Variants in COL13A1 observed in about 807,000 individuals in gnomAD.
The protein encoded by COL13A1 is collagen alpha-1(XIII) chain.
Under a neutral mutation model 130.9 loss-of-function variants are expected in COL13A1, and 89 were observed. The observed-to-expected ratio is 0.68, with a 90% CI of 0.57 to 0.81. The LOEUF is 0.81. Among genes scored for constraint, COL13A1 ranks in the 30% least tolerant of loss-of-function variants. The pLI is 0.00. For synonymous variants in COL13A1, 402 were observed against 341.6 expected (o/e 1.18, Z -1.95); for missense variants, 879 against 934.6 (o/e 0.94, Z 0.78).
intron 17 of COL13A1, among the ~76,000 whole-genome samples, chr10:69,909,406 G>A (rs2063128644): frequency 6.6e-6 from 1 of 152,206 alleles, no homozygotes; most frequent in Non-Finnish European, 1.5e-5. Flanking sequence ...CTGGGTCACT[G>A]GAAGGTTCCC....
intron 3 of COL13A1, among the ~76,000 whole-genome samples, chr10:69,871,581 A>G (rs1314978534): frequency 1.3e-5 from 2 of 152,108 alleles, no homozygotes; most frequent in Admixed American, 6.5e-5. Context: ...TGCTGCCTGA[A>G]CTTTTCTCAG....
At chr10:69,914,098 C>T (rs551828469) in intron 17 of COL13A1, among the ~76,000 whole-genome samples, 2 of 152,276 alleles carry the variant, frequency 1.3e-5, no homozygotes, top group African/African-American at 4.8e-5. Flanking sequence ...GAGACTCTCA[C>T]GCTCCGGGGT....
At chr10:69,810,286 A>G (rs1842611675) in intron 1 of COL13A1, among the ~76,000 whole-genome samples, 1 of 151,282 alleles carries the variant, frequency 6.6e-6, no homozygotes, top group South Asian at 2.1e-4. Flanking sequence ...CCTGGCTGTA[A>G]GTGTCTAACG....
Position 69,843,305 on chromosome 10 carries a change from G to C in COL13A1, c.364+20867G>C, listed in dbSNP as rs531885775. Among the ~76,000 whole-genome samples the C allele has an allele frequency of 4.0e-4, 61 of 152,286 alleles. 1 individual carries two copies. In the South Asian group the frequency reaches 4.8e-3, roughly 12 times the overall value. On this transcript the variant is annotated intron_variant, in intron 2 of 40. Transcript: ENST00000645393. Reference sequence around the variant, plus strand: ...GGAGGAGTTAAAGGGTGAGAGTGCAGAATCTGGGTTTCAGATCCTGGCAAC... The same window carrying C: ...GGAGGAGTTAAAGGGTGAGAGTGCACAATCTGGGTTTCAGATCCTGGCAAC...
intron 10 of COL13A1, among the ~76,000 whole-genome samples, chr10:69,891,445 G>A (rs184291318): frequency 1.8e-4 from 27 of 152,314 alleles, no homozygotes; most frequent in East Asian, 1.9e-4. Flanking sequence ...CTGCAGAACC[G>A]GAGGAAGGGC....
intron 36 of COL13A1, among the ~76,000 whole-genome samples, chr10:69,944,857 A>G (rs556968302): frequency 5.9e-5 from 9 of 152,304 alleles, no homozygotes; most frequent in Non-Finnish European, 1.3e-4. Context: ...GATTTAGGGA[A>G]ACTGCATGGA....
At chr10:69,823,791 G>GCTCC (rs1846761545) in intron 2 of COL13A1, among the ~76,000 whole-genome samples, 2 of 152,166 alleles carry the variant, frequency 1.3e-5, no homozygotes. Context: ...GCCCTGGGAA[G>GCTCC]CTCCCTCCCT....
chr10:69,839,396 T>TCC (rs200203226), intron 2 of COL13A1, among the ~76,000 whole-genome samples: 22,084 of 151,960 alleles, frequency 0.15, 1,632 homozygotes, highest in Non-Finnish European at 0.15. Context: ...TTTAAAGGAT[T>TCC]CCCCCCACGG....
rs1428163535 is a variant in COL13A1, at chr10:69,830,363, A to G, written c.364+7925A>G. 3.3e-5 allele frequency among the ~76,000 whole-genome samples: 5 copies of G among 152,250 alleles called. 1 individual carries two copies. The highest frequency in any genetic ancestry group is 7.3e-5 in the Non-Finnish European group (5 of 68,048). ...AGGAGTGTGCAGAGATATGTTGTGC[A>G]GTATTAAATTGCAGTACTTTCATCA... On this transcript the variant is annotated intron_variant, in intron 2 of 40. Transcript: ENST00000645393.
rs376521321 is a variant in COL13A1, at chr10:69,927,178, C to A, written c.1422+68C>A. ...GGGGCTGGGGATGGCAGCCTGGAAG[C>A]AAGGATTTGATTTCTCCCCTCCAGA... On this transcript the variant is annotated intron_variant, in intron 27 of 40. Transcript: ENST00000645393. 1.8e-3 allele frequency: 2,959 copies of A among 1,604,796 alleles called. 4 individuals carry two copies. Among genetic ancestry groups the A allele is most frequent in the South Asian group, 3.3e-3 (297 of 90,588 alleles).
chr10:69,943,648 G>A (rs567910230), intron 35 of COL13A1, among the ~76,000 whole-genome samples: 69 of 152,306 alleles, frequency 4.5e-4, no homozygotes, highest in African/African-American at 1.6e-3. Context: ...GTGGGTCTGC[G>A]GTGGGCCGGT....
intron 5 of COL13A1, chr10:69,877,699 TCACACACACACACACACACACACACA>T (rs10532425): frequency 2.3e-5 from 2 of 86,854 alleles, no homozygotes; most frequent in Middle Eastern, 6.7e-3. Context: ...TCTCTCTCTC[TCACACACACACACACACACACACACA>T]CACACACACA....
At chr10:69,881,100 G>A (rs2060094431) in intron 7 of COL13A1, among the ~76,000 whole-genome samples, 1 of 152,340 alleles carries the variant, frequency 6.6e-6, no homozygotes, top group East Asian at 1.9e-4. Flanking sequence ...CCCCTCACAT[G>A]TGCTTCCTTA....
Position 69,802,542 on chromosome 10 carries a change from C to A in COL13A1, c.119C>A (p.Pro40Gln). The change falls in exon 1 of 41, where the codon CCG (proline) becomes CAG (glutamine). Residue 40 changes from proline (P) to glutamine (Q), a missense_variant. Physicochemically the swap from Pro to Gln is moderately conservative, Grantham distance 76. Coordinates refer to ENST00000645393, the MANE Select transcript of COL13A1 (RefSeq NM_001368882.1). ...AARAERGARL[P>Q]SPGSCGLLTL... is the part of the protein sequence containing the mutation. ...CGGGCGGAGCGCGGCGCACGGCTGC[C>A]GAGTCCAGGGTCGTGCGGGCTGCTG... The A allele has an allele frequency of 4.4e-6, 7 of 1,597,436 alleles. No homozygotes were observed. The highest frequency in any genetic ancestry group is 5.1e-6 in the Non-Finnish European group (6 of 1,173,758).
At chr10:69,892,379 C>T (rs1373191619) in intron 10 of COL13A1, among the ~76,000 whole-genome samples, 3 of 152,210 alleles carry the variant, frequency 2.0e-5, no homozygotes, top group Admixed American at 6.5e-5. Context: ...GCCCCACCCC[C>T]CCACTTCACA....
chr10:69,875,637 G>A (rs2059500555), intron 5 of COL13A1, among the ~76,000 whole-genome samples: 1 of 152,220 alleles, frequency 6.6e-6, no homozygotes, highest in Admixed American at 6.5e-5. Context: ...CTTGGTCCCA[G>A]GTGGCACCTC....
chr10:69,877,285 T>A (rs918986126), intron 5 of COL13A1: 9 of 152,568 alleles, frequency 5.9e-5, no homozygotes, highest in African/African-American at 1.9e-4. Context: ...TCACTGTTGT[T>A]ACAAGGGACC....
chr10:69,892,025 G>A (rs889594600), intron 10 of COL13A1, among the ~76,000 whole-genome samples: 8 of 152,100 alleles, frequency 5.3e-5, no homozygotes, highest in Non-Finnish European at 1.0e-4. Context: ...CTGCCACACC[G>A]TCCCTCTGCC....
At chr10:69,840,483 G>C (rs1298897432) in intron 2 of COL13A1, among the ~76,000 whole-genome samples, 1 of 152,156 alleles carries the variant, frequency 6.6e-6, no homozygotes, top group Non-Finnish European at 1.5e-5. Flanking sequence ...TGGCTGAGGG[G>C]GGCCCTCTGG....
Sources: gnomAD v4.1 joint callset for allele counts (sites outside exome capture counted in the v4.1 genomes callset) on GRCh38, gnomAD v4.1.1 for gene constraint, MANE v1.5 for transcripts, NCBI Gene and HGNC (gene_info 2026-07-23, HGNC 2026-07-21) for gene names.